The following ANK3 variants were observed in gnomAD, a reference collection of about 807,000 sequenced individuals.
The protein encoded by ANK3 is ankyrin 3.
Under a neutral mutation model 370.9 loss-of-function variants are expected in ANK3, and 57 were observed. The ratio of observed to expected loss-of-function variants is 0.15; its 90% CI spans 0.12 to 0.19. The LOEUF (loss-of-function observed/expected upper bound fraction) is 0.19. Among genes scored for constraint, ANK3 ranks in the 10% least tolerant of loss-of-function variants. The probability of loss-of-function intolerance (pLI) is 1.00; values close to 1 mark genes in which losing one functional copy is unlikely to be tolerated. For synonymous variants in ANK3, 1,929 were observed against 1,946.3 expected (o/e 0.99, Z 0.23); for missense variants, 4,439 against 5,302.1 (o/e 0.84, Z 5.06).
chr10:60,372,774 C>G (rs1029999029), intron 1 of ANK3, among the ~76,000 whole-genome samples: 1 of 152,142 alleles, frequency 6.6e-6, no homozygotes, highest in South Asian at 2.1e-4. Flanking sequence ...CAACTCTGCC[C>G]TTCGAAACCG....
intron 43 of ANK3, among the ~76,000 whole-genome samples, chr10:60,031,354 G>A (rs2073498267): frequency 6.6e-6 from 1 of 152,120 alleles, no homozygotes; most frequent in South Asian, 2.1e-4. Context: ...TAAAGCATCT[G>A]TGTTTTATAA....
intron 2 of ANK3, among the ~76,000 whole-genome samples, chr10:60,549,474 C>T (rs2077042853): frequency 6.6e-6 from 1 of 152,066 alleles, no homozygotes; most frequent in Non-Finnish European, 1.5e-5. Context: ...GTTTAGAGAA[C>T]AATCCCCTTA....
intron 26 of ANK3, 80 bp from the exon 27 acceptor site, chr10:60,109,134 G>GT: frequency 8.9e-7 from 1 of 1,119,570 alleles, no homozygotes; most frequent in Non-Finnish European, 1.3e-6. Flanking sequence ...AAATGTTTAA[G>GT]TTTATTTAAA....
chr10:60,365,366 C>T (rs1425787955), intron 1 of ANK3, among the ~76,000 whole-genome samples: 2 of 152,108 alleles, frequency 1.3e-5, no homozygotes, highest in Non-Finnish European at 1.5e-5. Flanking sequence ...AATCTGATAA[C>T]ACCTATCACC....
At chr10:60,681,329 C>T (rs74155678) in intron 1 of ANK3, among the ~76,000 whole-genome samples, 1,797 of 152,254 alleles carry the variant, frequency 0.012, 35 homozygotes, top group African/African-American at 0.041. Context: ...ACCATTAACA[C>T]GACTAGCAAG....
intron 1 of ANK3, among the ~76,000 whole-genome samples, chr10:60,342,977 A>G (rs2054595621): frequency 6.6e-6 from 1 of 152,136 alleles, no homozygotes; most frequent in Non-Finnish European, 1.5e-5. Context: ...TTACTTTGCC[A>G]TGTTTTTCCT....
At chr10:60,268,503 T>C (rs1392172311) in intron 5 of ANK3, among the ~76,000 whole-genome samples, 1 of 152,158 alleles carries the variant, frequency 6.6e-6, no homozygotes, top group African/African-American at 2.4e-5. Context: ...CCAAGCCAAA[T>C]AGTTCTGAAT....
At chr10:60,309,703 T>A (rs1182191086) in intron 1 of ANK3, among the ~76,000 whole-genome samples, 1 of 152,122 alleles carries the variant, frequency 6.6e-6, no homozygotes, top group Non-Finnish European at 1.5e-5. Context: ...TTAAAATACT[T>A]GTGATTAAAG....
At chr10:60,679,698 A>G (rs1368585672) in intron 1 of ANK3, among the ~76,000 whole-genome samples, 1 of 152,192 alleles carries the variant, frequency 6.6e-6, no homozygotes, top group Non-Finnish European at 1.5e-5. Flanking sequence ...CCTCGGAACC[A>G]TGCCAATGTA....
At chr10:60,193,723 C>T (rs2096536864) in intron 16 of ANK3, among the ~76,000 whole-genome samples, 1 of 151,994 alleles carries the variant, frequency 6.6e-6, no homozygotes, top group Non-Finnish European at 1.5e-5. Context: ...GTCAATTTTA[C>T]ACTGCTTTTT....
At chr10:60,727,680 T>A (rs762528954) in intron 1 of ANK3, among the ~76,000 whole-genome samples, 2 of 152,100 alleles carry the variant, frequency 1.3e-5, no homozygotes, top group Non-Finnish European at 2.9e-5. Flanking sequence ...TCATAATCCA[T>A]CATCCTAACA....
At chr10:60,308,719 C>A (rs1181301612) in intron 1 of ANK3, among the ~76,000 whole-genome samples, 3 of 152,102 alleles carry the variant, frequency 2.0e-5, no homozygotes, top group Non-Finnish European at 4.4e-5. Flanking sequence ...CCCCTACCAT[C>A]CAAAACCCAG....
At chr10:60,690,308 T>A (rs1194952891) in intron 1 of ANK3, among the ~76,000 whole-genome samples, 1 of 152,036 alleles carries the variant, frequency 6.6e-6, no homozygotes, top group African/African-American at 2.4e-5. Context: ...GCACAAGGGG[T>A]CAGGGGATTT....
At chr10:60,181,549 C>G in intron 17 of ANK3, 122 bp from the exon 18 acceptor site, 1 of 925,264 alleles carries the variant, frequency 1.1e-6, no homozygotes, top group Non-Finnish European at 1.7e-6. Flanking sequence ...TTAGAAAAAA[C>G]CTATGGAATA....
Position 60,088,101 on chromosome 10 carries a change from A to T in ANK3, c.3540+46T>A. 3 of 1,505,042 alleles carry T rather than the reference A, an allele frequency of 2.0e-6. 1 individual carries two copies. Among genetic ancestry groups the T allele is most frequent in the South Asian group, 2.3e-5 (2 of 88,258 alleles). The allele number at this position is 1,505,042 out of a possible 1,614,324, so 93.2% of individuals were successfully genotyped here. ...TTTCCAGAGCAAAACATGCACTCACATGCTCTCTGCGCATACTGAGGGAAA... is the reference window on the plus strand; with the variant it reads ...TTTCCAGAGCAAAACATGCACTCACTTGCTCTCTGCGCATACTGAGGGAAA... On this transcript the variant is annotated intron_variant, in intron 29 of 43. Transcript: ENST00000280772.
chr10:60,063,416 G>A lies in ANK3; in HGVS notation c.12452-162C>T, dbSNP rs757428266. ...ATCCAGAGGACTCAGAATGCTCGCT[G>A]CTACAGGGAAGGTGTCAGAGTCTTA... On this transcript the variant is annotated intron_variant, in intron 39 of 43. Coordinates refer to ENST00000280772, the MANE Select transcript of ANK3 (RefSeq NM_020987.5). Among the ~76,000 whole-genome samples the A allele has an allele frequency of 2.9e-4, 44 of 152,262 alleles. 1 individual carries two copies. The highest frequency in any genetic ancestry group is 3.4e-3 in the Middle Eastern group (1 of 294).
rs553014726 is a variant in ANK3 at position 60,454,633 on chromosome 10, G to T, written c.96+160553C>A. On this transcript the variant is annotated intron_variant, in intron 2 of 43. Coordinates refer to the ANK3 transcript ENST00000373827. The stretch of plus-strand genomic sequence containing the variant: ...AGGCCACCCTTTGGCTCTGCCTGAA[G>T]TAGGACATCCTGGGATGACGTTTTT... Among the ~76,000 whole-genome samples the T allele has an allele frequency of 2.6e-5, 4 of 152,288 alleles. No individual in the cohort carries two copies. The South Asian group carries it at 8.3e-4, about 32-fold the overall frequency.
intron 27 of ANK3, chr10:60,108,261 G>A (rs984563743): frequency 2.4e-6 from 1 of 414,594 alleles, no homozygotes; most frequent in Non-Finnish European, 4.7e-6. Flanking sequence ...TTTACAGGGG[G>A]AGGATTGGTA....
intron 2 of ANK3, among the ~76,000 whole-genome samples, chr10:60,601,907 C>T (rs948472987): frequency 5.9e-5 from 9 of 152,040 alleles, no homozygotes; most frequent in Non-Finnish European, 7.4e-5. Flanking sequence ...ATTCTATATG[C>T]AATAATCTCA....
Sources: gnomAD v4.1 joint callset for allele counts (sites outside exome capture counted in the v4.1 genomes callset) on GRCh38, gnomAD v4.1.1 for gene constraint, MANE v1.5 for transcripts, NCBI Gene and HGNC (gene_info 2026-07-23, HGNC 2026-07-21) for gene names.